The following NDST3 variants were observed in gnomAD, a reference collection of about 807,000 sequenced individuals.
NDST3 encodes the protein bifunctional heparan sulfate N-deacetylase/N-sulfotransferase 3.
NDST3 carries 58 observed loss-of-function variants against 96.1 expected under a neutral mutation model. The observed-to-expected ratio is 0.60, with a 90% CI of 0.49 to 0.75. The LOEUF is 0.75. NDST3 is among the 30% of genes least tolerant of loss of function. NDST3 has a pLI of 0.00. For missense variants in NDST3, 788 were observed against 1,034.2 expected, an observed-to-expected ratio of 0.76 and a Z score of 3.27; for synonymous variants, 333 against 359.7, an observed-to-expected ratio of 0.93 and a Z score of 0.84.
At chr4:118,057,534 G>T (rs1211571765) in intron 2 of NDST3, among the ~76,000 whole-genome samples, 1 of 151,992 alleles carries the variant, frequency 6.6e-6, no homozygotes, top group Admixed American at 6.6e-5. Flanking sequence ...GACAAGTAGA[G>T]GGAAATATCC....
intron 1 of NDST3, among the ~76,000 whole-genome samples, chr4:118,036,427 G>A (rs1037361889): frequency 1.3e-5 from 2 of 152,104 alleles, no homozygotes; most frequent in African/African-American, 4.8e-5. Context: ...ATTTCTAATT[G>A]CTTAACAGTT....
At chr4:118,100,168 G>C (rs1441872991) in intron 2 of NDST3, among the ~76,000 whole-genome samples, 1 of 152,020 alleles carries the variant, frequency 6.6e-6, no homozygotes, top group Non-Finnish European at 1.5e-5. Flanking sequence ...CCCAATGTAG[G>C]GGGCATCATC....
intron 2 of NDST3, among the ~76,000 whole-genome samples, chr4:118,103,107 G>A (rs1282154252): frequency 6.6e-6 from 1 of 151,946 alleles, no homozygotes; most frequent in Admixed American, 6.6e-5. Flanking sequence ...TTTTGTAAAT[G>A]TACATTAAAA....
intron 2 of NDST3, among the ~76,000 whole-genome samples, chr4:118,082,887 G>A (rs572927541): frequency 6.6e-6 from 1 of 152,116 alleles, no homozygotes; most frequent in East Asian, 1.9e-4. Context: ...GAAGGCAAAG[G>A]GGAAGTAGGC....
At chr4:118,060,196 G>A (rs1725781506) in intron 2 of NDST3, among the ~76,000 whole-genome samples, 1 of 151,814 alleles carries the variant, frequency 6.6e-6, no homozygotes, top group Non-Finnish European at 1.5e-5. Context: ...CAACTCTGAT[G>A]GTTGATTGTA....
intron 6 of NDST3, among the ~76,000 whole-genome samples, chr4:118,223,240 G>A (rs909578327): frequency 3.9e-5 from 6 of 152,030 alleles, no homozygotes; most frequent in Non-Finnish European, 7.4e-5. Flanking sequence ...ATCACCTAAT[G>A]TTCTGATAAA....
At chr4:118,068,579 C>A (rs1357597237) in intron 2 of NDST3, among the ~76,000 whole-genome samples, 1 of 151,938 alleles carries the variant, frequency 6.6e-6, no homozygotes, top group Non-Finnish European at 1.5e-5. Context: ...ATGCAGATTC[C>A]CCAATTCCAC....
chr4:118,091,311 T>A (rs886394170), intron 2 of NDST3, among the ~76,000 whole-genome samples: 10 of 151,586 alleles, frequency 6.6e-5, no homozygotes, highest in African/African-American at 2.2e-4. Context: ...GAAAAAAAAA[T>A]TTAGGGATCA....
intron 11 of NDST3, among the ~76,000 whole-genome samples, chr4:118,241,180 G>A (rs1165465385): frequency 2.6e-5 from 4 of 151,604 alleles, no homozygotes; most frequent in Admixed American, 6.6e-5. Context: ...ATCAGACATG[G>A]TATATACCTG....
At chr4:118,046,897 C>T (rs1014996264) in intron 1 of NDST3, among the ~76,000 whole-genome samples, 8 of 140,026 alleles carry the variant, frequency 5.7e-5, no homozygotes, top group South Asian at 2.7e-4. Context: ...GCTGCAACTT[C>T]GGACCAGGGA....
chr4:118,086,624 C>T (rs983402530), intron 2 of NDST3, among the ~76,000 whole-genome samples: 1 of 152,126 alleles, frequency 6.6e-6, no homozygotes, highest in African/African-American at 2.4e-5. Context: ...GTCATTCTTG[C>T]TTGTTGGAAA....
intron 12 of NDST3, among the ~76,000 whole-genome samples, chr4:118,251,525 T>C (rs1380964487): frequency 6.6e-6 from 1 of 152,188 alleles, no homozygotes; most frequent in East Asian, 1.9e-4. Context: ...ATATCCAATT[T>C]TTCTTGTGAA....
chr4:118,038,521 C>T (rs894255456), intron 1 of NDST3, among the ~76,000 whole-genome samples: 1 of 152,148 alleles, frequency 6.6e-6, no homozygotes, highest in Non-Finnish European at 1.5e-5. Context: ...CTTGGTCATA[C>T]TCCATGTAAA....
intron 6 of NDST3, among the ~76,000 whole-genome samples, chr4:118,211,540 A>C (rs1358380148): frequency 6.6e-6 from 1 of 152,194 alleles, no homozygotes; most frequent in African/African-American, 2.4e-5. Flanking sequence ...ACTCTTCTTC[A>C]AACTTTTGAA....
intron 2 of NDST3, among the ~76,000 whole-genome samples, chr4:118,069,422 G>A (rs1468198803): frequency 1.3e-5 from 2 of 152,116 alleles, no homozygotes; most frequent in Admixed American, 6.6e-5. Context: ...TTTACCTTGG[G>A]AAGCTTTAAA....
intron 5 of NDST3, among the ~76,000 whole-genome samples, 173 bp from the exon 6 acceptor site, chr4:118,143,383 T>C (rs1425880865): frequency 6.6e-6 from 1 of 152,188 alleles, no homozygotes. Flanking sequence ...TCACTATTCC[T>C]TCCATATTAA....
intron 6 of NDST3, among the ~76,000 whole-genome samples, chr4:118,210,933 T>C (rs1352683572): frequency 6.6e-6 from 1 of 152,068 alleles, no homozygotes; most frequent in Non-Finnish European, 1.5e-5. Context: ...TATGACAGTA[T>C]CAGTTGAGTA....
At position 118,257,844 on chromosome 4, in the gene NDST3, T is replaced by C. The variant is rs893842640; in HGVS notation, c.*2132T>C. On this transcript the variant is annotated 3_prime_UTR_variant, in exon 14 of 14. Transcript: ENST00000296499. ...TCTTCATGCTTACTGCTGTCTCTTT[T>C]ATAGCAGCAGATGCCAGACATGCTA... The C allele has an allele frequency of 6.6e-6, 1 of 152,218 alleles. No homozygotes were observed. Among genetic ancestry groups the C allele is most frequent in the African/African-American group, 2.4e-5 (1 of 41,460 alleles). The allele number at this position is 152,218 out of a possible 1,614,324, so 9.4% of individuals were successfully genotyped here.
intron 3 of NDST3, among the ~76,000 whole-genome samples, chr4:118,108,632 G>A (rs1730396860): frequency 6.6e-6 from 1 of 152,074 alleles, no homozygotes; most frequent in Non-Finnish European, 1.5e-5. Context: ...TGTATTTCTA[G>A]AGTAAGTCAA....
Sources: allele counts gnomAD v4.1 joint callset (sites outside exome capture counted in the v4.1 genomes callset), GRCh38; gene constraint gnomAD v4.1.1; transcripts MANE v1.5; gene names NCBI Gene and HGNC (gene_info 2026-07-23, HGNC 2026-07-21).